The following EBF1 variants were observed in gnomAD, a reference collection of about 807,000 sequenced individuals.
EBF1 encodes EBF transcription factor 1.
EBF1 carries 10 observed loss-of-function variants against 68.4 expected under a neutral mutation model. The observed-to-expected ratio is 0.15, with a 90% CI of 0.09 to 0.25. The LOEUF is 0.25. EBF1 is among the 10% of genes least tolerant of loss of function. The pLI is 1.00. For missense variants in EBF1, 509 were observed against 794.4 expected, an observed-to-expected ratio of 0.64 and a Z score of 4.32; for synonymous variants, 298 against 299.8, an observed-to-expected ratio of 0.99 and a Z score of 0.06.
chr5:158,768,111 C>A (rs1293775921), intron 10 of EBF1, among the ~76,000 whole-genome samples: 1 of 152,068 alleles, frequency 6.6e-6, no homozygotes, highest in East Asian at 1.9e-4. Flanking sequence ...TGGAGCAACA[C>A]ACACCCACTC....
chr5:158,866,045 G>T (rs1347314440), intron 6 of EBF1, among the ~76,000 whole-genome samples: 1 of 152,122 alleles, frequency 6.6e-6, no homozygotes, highest in Non-Finnish European at 1.5e-5. Flanking sequence ...GATCTCAAGG[G>T]GACCCAAATG....
At chr5:158,938,529 T>C (rs181350774) in intron 6 of EBF1, among the ~76,000 whole-genome samples, 18 of 152,330 alleles carry the variant, frequency 1.2e-4, no homozygotes, top group African/African-American at 4.3e-4. Flanking sequence ...GTGTGGCTGA[T>C]AAACAAAGGA....
At chr5:158,865,950 G>T (rs1163945378) in intron 6 of EBF1, among the ~76,000 whole-genome samples, 1 of 152,210 alleles carries the variant, frequency 6.6e-6, no homozygotes, top group South Asian at 2.1e-4. Flanking sequence ...ATAAATACTA[G>T]TAAGAGTGGA....
chr5:158,849,596 C>T (rs982630571), intron 6 of EBF1, among the ~76,000 whole-genome samples: 5 of 152,220 alleles, frequency 3.3e-5, no homozygotes, highest in Admixed American at 2.6e-4. Flanking sequence ...CCCTGCAAGA[C>T]ACCACGGACT....
At chr5:158,866,374 C>T (rs1186657376) in intron 6 of EBF1, among the ~76,000 whole-genome samples, 1 of 152,174 alleles carries the variant, frequency 6.6e-6, no homozygotes, top group East Asian at 1.9e-4. Flanking sequence ...AAATCTCTCA[C>T]CTAAGGAACA....
chr5:158,837,629 A>G (rs979901228), intron 7 of EBF1, among the ~76,000 whole-genome samples: 1 of 152,202 alleles, frequency 6.6e-6, no homozygotes, highest in Non-Finnish European at 1.5e-5. Context: ...GATGTTCTCA[A>G]AAATAATAGA....
chr5:158,861,039 C>T (rs1794881092), intron 6 of EBF1, among the ~76,000 whole-genome samples: 1 of 152,138 alleles, frequency 6.6e-6, no homozygotes, highest in Non-Finnish European at 1.5e-5. Context: ...TGATTTAGGA[C>T]CTTAACTGTA....
chr5:158,798,807 G>A (rs1780046439), intron 8 of EBF1, among the ~76,000 whole-genome samples: 1 of 152,126 alleles, frequency 6.6e-6, no homozygotes, highest in Non-Finnish European at 1.5e-5. Context: ...TGACACCATT[G>A]TCTTAGTTTT....
intron 6 of EBF1, among the ~76,000 whole-genome samples, chr5:158,910,893 G>A (rs79928631): frequency 4.5e-4 from 69 of 152,324 alleles, no homozygotes; most frequent in African/African-American, 1.6e-3. Context: ...TGCTGTCCTT[G>A]AGTAGTCCAC....
intron 6 of EBF1, among the ~76,000 whole-genome samples, chr5:158,906,150 C>T (rs945219673): frequency 6.6e-6 from 1 of 151,796 alleles, no homozygotes; most frequent in Non-Finnish European, 1.5e-5. Context: ...ATATATCACA[C>T]ACCTCCCCTC....
At chr5:158,847,854 C>A (rs1375568951) in intron 6 of EBF1, among the ~76,000 whole-genome samples, 1 of 152,172 alleles carries the variant, frequency 6.6e-6, no homozygotes, top group Non-Finnish European at 1.5e-5. Context: ...TTCCTGCAGA[C>A]CAAGGGACAG....
At chr5:158,794,357 A>G (rs947655810) in intron 9 of EBF1, among the ~76,000 whole-genome samples, 1 of 152,172 alleles carries the variant, frequency 6.6e-6, no homozygotes, top group Non-Finnish European at 1.5e-5. Flanking sequence ...AGATCCTTTA[A>G]AGCAATTTGG....
intron 6 of EBF1, among the ~76,000 whole-genome samples, chr5:158,915,981 C>T (rs1352163109): frequency 6.6e-6 from 1 of 152,140 alleles, no homozygotes; most frequent in Non-Finnish European, 1.5e-5. Context: ...TCGCAATGTC[C>T]TGACAGATCT....
intron 3 of EBF1, 144 bp from the exon 4 acceptor site, chr5:159,095,819 C>A: frequency 1.2e-6 from 1 of 824,240 alleles, no homozygotes; most frequent in East Asian, 2.7e-5. Context: ...TTGGAACTCC[C>A]ACTGTCCTGG....
intron 6 of EBF1, among the ~76,000 whole-genome samples, chr5:159,019,430 A>G (rs1766246709): frequency 1.3e-5 from 2 of 152,364 alleles, no homozygotes; most frequent in Non-Finnish European, 2.9e-5. Flanking sequence ...GCAAATATAA[A>G]TGAAAAATAA....
intron 10 of EBF1, among the ~76,000 whole-genome samples, chr5:158,739,796 A>G (rs1455668932): frequency 6.6e-6 from 1 of 152,166 alleles, no homozygotes; most frequent in Non-Finnish European, 1.5e-5. Flanking sequence ...GCTGTTATCA[A>G]GGGGGTAAAA....
chr5:158,828,847 T>C (rs1299775959), intron 7 of EBF1, among the ~76,000 whole-genome samples: 1 of 152,236 alleles, frequency 6.6e-6, no homozygotes, highest in East Asian at 1.9e-4. Context: ...GAATATCATT[T>C]TGCAATTTAA....
chr5:158,791,214 G>A (rs1472096934), intron 9 of EBF1, among the ~76,000 whole-genome samples: 1 of 151,710 alleles, frequency 6.6e-6, no homozygotes, highest in Non-Finnish European at 1.5e-5. Context: ...AGCTACTTGG[G>A]AGGCTGAGGC....
At chr5:158,812,930 T>C (rs897579646) in intron 8 of EBF1, among the ~76,000 whole-genome samples, 1 of 152,188 alleles carries the variant, frequency 6.6e-6, no homozygotes, top group Non-Finnish European at 1.5e-5. Context: ...TTTAAGTCTA[T>C]TCTAACAGTA....
Sources: gnomAD v4.1 joint callset for allele counts (sites outside exome capture counted in the v4.1 genomes callset) on GRCh38, gnomAD v4.1.1 for gene constraint, MANE v1.5 for transcripts, NCBI Gene and HGNC (gene_info 2026-07-23, HGNC 2026-07-21) for gene names.